GRIK1: variants seen among roughly 807,000 people sequenced by gnomAD.
GRIK1 encodes the protein glutamate receptor ionotropic, kainate 1.
Under a neutral mutation model 105.7 loss-of-function variants are expected in GRIK1, and 69 were observed. The ratio of observed to expected loss-of-function variants is 0.65; its 90% CI spans 0.54 to 0.80. The LOEUF (loss-of-function observed/expected upper bound fraction) is 0.80. Ranked by LOEUF, GRIK1 falls within the 30% of genes least tolerant of loss-of-function variation. GRIK1 has a pLI of 0.00. For synonymous variants in GRIK1, 438 were observed against 431.3 expected (o/e 1.02, Z -0.19); for missense variants, 1,109 against 1,167.3 (o/e 0.95, Z 0.73).
At chr21:29,918,246 T>G (rs2071068045) in intron 1 of GRIK1, among the ~76,000 whole-genome samples, 1 of 152,224 alleles carries the variant, frequency 6.6e-6, no homozygotes, top group East Asian at 1.9e-4. Context: ...GCAAATGAAG[T>G]AATAGTAACA....
intron 3 of GRIK1, among the ~76,000 whole-genome samples, chr21:29,675,594 C>T (rs1376813772): frequency 6.6e-6 from 1 of 152,062 alleles, no homozygotes; most frequent in South Asian, 2.1e-4. Flanking sequence ...TATGGGAAAA[C>T]ATTTGCTGGA....
At chr21:29,698,749 C>A (rs1265639683) in intron 1 of GRIK1, among the ~76,000 whole-genome samples, 2 of 152,104 alleles carry the variant, frequency 1.3e-5, no homozygotes, top group African/African-American at 4.8e-5. Context: ...TGCTTAATAT[C>A]CACCTCCCCA....
At chr21:29,646,445 C>T (rs192971368) in intron 6 of GRIK1, among the ~76,000 whole-genome samples, 4 of 152,044 alleles carry the variant, frequency 2.6e-5, no homozygotes, top group Admixed American at 6.6e-5. Flanking sequence ...TTTACTCTAT[C>T]GTCTGTTGCT....
intron 1 of GRIK1, among the ~76,000 whole-genome samples, chr21:29,753,630 A>C (rs998940591): frequency 1.3e-5 from 2 of 152,220 alleles, no homozygotes; most frequent in Non-Finnish European, 2.9e-5. Context: ...AACAGAAAAC[A>C]AATCACTCAC....
chr21:29,814,288 G>T (rs2067093839), intron 1 of GRIK1, among the ~76,000 whole-genome samples: 1 of 151,642 alleles, frequency 6.6e-6, no homozygotes. Flanking sequence ...GCTTGCAGCA[G>T]TTTTTGGTCT....
chr21:29,904,998 C>G (rs1038176980), intron 1 of GRIK1, among the ~76,000 whole-genome samples: 1 of 152,174 alleles, frequency 6.6e-6, no homozygotes, highest in Non-Finnish European at 1.5e-5. Context: ...ATTATCAGGC[C>G]ACACGAGGTC....
intron 1 of GRIK1, among the ~76,000 whole-genome samples, chr21:29,815,176 A>C (rs1274490952): frequency 1.3e-5 from 2 of 152,182 alleles, no homozygotes; most frequent in African/African-American, 4.8e-5. Flanking sequence ...CTATTGTAAA[A>C]AGAGTACATA....
chr21:29,936,895 C>T (rs116886122), intron 1 of GRIK1, among the ~76,000 whole-genome samples: 2,865 of 152,174 alleles, frequency 0.019, 49 homozygotes, highest in Non-Finnish European at 0.029. Flanking sequence ...AAGTGCCTAG[C>T]GATTTTGCTA....
At chr21:29,707,751 G>A (rs2063953338) in intron 1 of GRIK1, among the ~76,000 whole-genome samples, 1 of 151,834 alleles carries the variant, frequency 6.6e-6, no homozygotes. Flanking sequence ...CAAAGTGCTG[G>A]GATTACAGGC....
chr21:29,721,882 C>T (rs1401703349), intron 1 of GRIK1, among the ~76,000 whole-genome samples: 1 of 152,146 alleles, frequency 6.6e-6, no homozygotes, highest in Non-Finnish European at 1.5e-5. Context: ...TCCTCCTGAA[C>T]TACTGTTGTT....
At chr21:29,744,451 A>G (rs140383575) in intron 1 of GRIK1, among the ~76,000 whole-genome samples, 3 of 152,276 alleles carry the variant, frequency 2.0e-5, no homozygotes, top group South Asian at 2.1e-4. Context: ...CACACCTCCA[A>G]CATCACTTCT....
intron 1 of GRIK1, among the ~76,000 whole-genome samples, chr21:29,727,886 G>A (rs535242999): frequency 1.3e-5 from 2 of 152,234 alleles, no homozygotes; most frequent in South Asian, 2.1e-4. Flanking sequence ...GCCTGTAAGC[G>A]GAGCCCCGGA....
At position 29,735,562 on chromosome 21, in the gene GRIK1, T is replaced by C. The variant is rs1029137762; in HGVS notation, c.119-41499A>G. Among the ~76,000 whole-genome samples, 8 of 152,264 alleles carry C rather than the reference T, an allele frequency of 5.3e-5. 1 individual carries two copies. The highest frequency in any genetic ancestry group is 4.1e-4 in the South Asian group (2 of 4,824). On this transcript the variant is annotated intron_variant, in intron 1 of 17. Coordinates refer to ENST00000327783, the MANE Select transcript of GRIK1 (RefSeq NM_001330994.2). ...ACACATGGATATGACTAAGTAACCA[T>C]ATCATACTTGTATGCAGGGTGAGTC... is the stretch of plus-strand genomic sequence containing the variant.
At chr21:29,795,479 C>T (rs1402289366) in intron 1 of GRIK1, among the ~76,000 whole-genome samples, 1 of 152,152 alleles carries the variant, frequency 6.6e-6, no homozygotes. Context: ...GTCTTCAAGC[C>T]TCTCTGGGTA....
At chr21:29,553,464 C>A in intron 16 of GRIK1, 1 of 1,440,698 alleles carries the variant, frequency 6.9e-7, no homozygotes, top group Non-Finnish European at 9.1e-7. Flanking sequence ...AGAATTGTGG[C>A]TATTTATGCT....
chr21:29,562,626 G>T (rs934645039), intron 14 of GRIK1, among the ~76,000 whole-genome samples: 1 of 151,808 alleles, frequency 6.6e-6, no homozygotes, highest in Non-Finnish European at 1.5e-5. Flanking sequence ...TTGCACTTCA[G>T]CTTGGGCAAA....
rs541803214 is a variant in GRIK1, at chr21:29,595,084, C to T, written c.1251+1442G>A. Among the ~76,000 whole-genome samples, 8 of 152,134 alleles carry T rather than the reference C, an allele frequency of 5.3e-5. 1 individual carries two copies. In the South Asian group the frequency reaches 6.2e-4, roughly 12 times the overall value. On this transcript the variant is annotated intron_variant, in intron 9 of 17. Coordinates refer to ENST00000327783, the MANE Select transcript of GRIK1 (RefSeq NM_001330994.2). ...TTTTTGACGGAGTTATAACACAAAA[C>T]AGCACACCACAGTATATACAACTTA...
chr21:29,537,462 A>G, intron 17 of GRIK1, 77 bp from the exon 18 acceptor site: 1 of 1,146,730 alleles, frequency 8.7e-7, no homozygotes, highest in Non-Finnish European at 1.3e-6. Context: ...TTGCCTAGGT[A>G]TTTATGAACA....
At chr21:29,770,302 C>T (rs562852911) in intron 1 of GRIK1, among the ~76,000 whole-genome samples, 4 of 152,298 alleles carry the variant, frequency 2.6e-5, no homozygotes, top group South Asian at 4.1e-4. Flanking sequence ...TTAGTAAATG[C>T]CCCAATCTGC....
Sources: gnomAD v4.1 joint callset for allele counts (sites outside exome capture counted in the v4.1 genomes callset) on GRCh38, gnomAD v4.1.1 for gene constraint, MANE v1.5 for transcripts, NCBI Gene and HGNC (gene_info 2026-07-23, HGNC 2026-07-21) for gene names.